The following NCAPH2 variants were observed in gnomAD, a reference collection of about 807,000 sequenced individuals.
NCAPH2 encodes the protein non-SMC condensin II complex subunit H2.
A neutral mutation model predicts 88.6 loss-of-function variants in NCAPH2; 56 were observed. That is an observed-to-expected ratio of 0.63 (90% confidence interval 0.51 to 0.79). NCAPH2 has a LOEUF of 0.79. Ranked by LOEUF, NCAPH2 falls within the 30% of genes least tolerant of loss-of-function variation. The pLI, the probability that NCAPH2 is intolerant of heterozygous loss-of-function variation, is 0.00. For missense variants in NCAPH2, 794 were observed against 792.0 expected (o/e 1.00, Z -0.03); for synonymous variants, 378 against 313.6 (o/e 1.21, Z -2.17).
intron 14 of NCAPH2, 26 bp downstream of exon 14, chr22:50,522,277 T>C (rs758132214): frequency 1.2e-6 from 2 of 1,611,524 alleles, no homozygotes; most frequent in South Asian, 1.1e-5. Flanking sequence ...TCAGCTGTGA[T>C]CTAGGACCCC....
At chr22:50,516,737 A>G (rs2068935392) in intron 2 of NCAPH2, among the ~76,000 whole-genome samples, 189 bp downstream of exon 2, 1 of 152,194 alleles carries the variant, frequency 6.6e-6, no homozygotes, top group Admixed American at 6.5e-5. Flanking sequence ...ACAGCCAGGC[A>G]GGGAGGGTCT....
At chr22:50,520,903 G>A in intron 9 of NCAPH2, 62 bp from the exon 10 acceptor site, 1 of 1,536,188 alleles carries the variant, frequency 6.5e-7, no homozygotes, top group Non-Finnish European at 8.8e-7. Context: ...GGAGTTCCTG[G>A]GGTACCCAGA....
intron 8 of NCAPH2, 108 bp from the exon 9 acceptor site, chr22:50,519,082 C>G (rs1405347263): frequency 3.5e-6 from 4 of 1,129,634 alleles, no homozygotes; most frequent in South Asian, 1.6e-5. Context: ...GCCAAATCCT[C>G]TGGGCTCCGT....
intron 9 of NCAPH2, among the ~76,000 whole-genome samples, chr22:50,520,252 T>C (rs569853026): frequency 6.6e-6 from 1 of 151,904 alleles, no homozygotes; most frequent in East Asian, 2.0e-4. Context: ...TTTTATCTTA[T>C]TTTATTTATT....
chr22:50,518,407 C>G (rs118022654), intron 7 of NCAPH2, 129 bp downstream of exon 7: 45,775 of 1,362,244 alleles, frequency 0.034, 891 homozygotes, highest in South Asian at 0.041. Flanking sequence ...CTGCTCTAGT[C>G]TAGACAGGTT....
chr22:50,516,230 A>G (rs1603440913), intron 1 of NCAPH2, among the ~76,000 whole-genome samples: 2 of 152,056 alleles, frequency 1.3e-5, no homozygotes, highest in East Asian at 3.9e-4. Context: ...GGGGCCTTCC[A>G]CTTCCAAAAC....
Position 50,508,303 on chromosome 22 carries a change from C to A in NCAPH2, c.-35C>A. The A allele has an allele frequency of 6.9e-7, 1 of 1,444,262 alleles. No individual in the cohort carries two copies. Among genetic ancestry groups the A allele is most frequent in the Non-Finnish European group, 9.2e-7 (1 of 1,092,302 alleles). 89.5% of individuals were successfully genotyped at this position (1,444,262 alleles called of 1,614,324 possible). A position where few individuals can be genotyped will look rare whatever the true frequency, so the allele number is the denominator to read the frequency against. On this transcript the variant is annotated 5_prime_UTR_variant, in exon 1 of 20. Transcript: ENST00000420993. ...GACGCCGTACCCCTCGGAAGGCAGC[C>A]CTGCGGTCCCTTTGCCGCCCGTTCC...
At chr22:50,513,466 C>G (rs1420103510) in intron 1 of NCAPH2, among the ~76,000 whole-genome samples, 2 of 151,786 alleles carry the variant, frequency 1.3e-5, no homozygotes, top group Non-Finnish European at 2.9e-5. Context: ...CGCCTGTGAT[C>G]CCAGCACTTA....
rs140524 is a variant in NCAPH2 at position 50,522,253 on chromosome 22, C to T, written c.1233+2C>T. On this transcript the variant is annotated splice_donor_variant, in intron 14 of 19. Transcript: ENST00000420993. LOFTEE classifies it low-confidence loss of function (GC_TO_GT_DONOR). ...CTCCGGAAGCTGCAGAGGAGGGAGG[C>T]AAGTCCCAGCTGGTCAGCTGTGATC... The T allele has an allele frequency of 0.18, 287,037 of 1,613,124 alleles. 26,841 individuals are homozygous for T. The highest frequency in any genetic ancestry group is 0.24 in the East Asian group (10,904 of 44,864).
In NCAPH2 at chr22:50,508,411, A is replaced by G; in HGVS notation, c.74A>G (p.Asp25Gly). Residue 25 changes from aspartate to glycine, a missense_variant, in exon 1 of 20, where the codon GAC becomes GGC. By Grantham distance (94) the Asp-to-Gly change is moderately conservative. This residue lies in a region of NCAPH2 where 59 missense variants were observed against 95.7 expected (regional missense o/e 0.62). Coordinates refer to ENST00000420993, the MANE Select transcript of NCAPH2 (RefSeq NM_152299.4). ...IRDLTKNWEVDVAAQLGEYLE... is the reference protein window; with the variant it reads ...IRDLTKNWEVGVAAQLGEYLE... ...GACCTCACCAAGAACTGGGAGGTGG[A>G]CGTGGCGGCCCAGCTGGGCGAGTAT... is the stretch of plus-strand genomic sequence containing the variant. The G allele has an allele frequency of 6.9e-7, 1 of 1,455,606 alleles. No individual in the cohort carries two copies. Among genetic ancestry groups the G allele is most frequent in the Non-Finnish European group, 9.1e-7 (1 of 1,103,066 alleles). The allele number at this position is 1,455,606 out of a possible 1,614,324, so 90.2% of individuals were successfully genotyped here. A position where few individuals can be genotyped will look rare whatever the true frequency, so the allele number is the denominator to read the frequency against.
rs199689462 is a variant in NCAPH2 at position 50,517,597 on chromosome 22, C to G, written c.287C>G (p.Ser96Trp). 1 of 1,614,110 alleles carries G rather than the reference C, an allele frequency of 6.2e-7. No individual in the cohort carries two copies. The highest frequency in any genetic ancestry group is 1.1e-5 in the South Asian group (1 of 91,090). Reference sequence around the variant, plus strand: ...CTCAGGCGGGCCAAGCAGCTCTCTTCGGTGCAGGAGGACAGGGCCAATGGG... The same window carrying G: ...CTCAGGCGGGCCAAGCAGCTCTCTTGGGTGCAGGAGGACAGGGCCAATGGG... ...SGKRRAKQLS[S>W]VQEDRANGVA... Residue 96 changes from serine (S) to tryptophan (W), a missense_variant, in exon 4 of 20, where the codon TCG becomes TGG. By Grantham distance (177) the Ser-to-Trp change is radical. Transcript: ENST00000420993.
chr22:50,521,602 C>T lies in NCAPH2; in HGVS notation c.993C>T (p.Phe331=). The change falls in exon 11 of 20, where the codon TTC becomes TTT. Residue 331 remains phenylalanine (F), a synonymous_variant. Transcript: ENST00000420993. ...DPFDSLESKP[F]KKGRPYSVPP... is the part of the protein sequence containing the mutation. ...TTGACTCCTTGGAGTCTAAGCCCTTCAAGAAAGGTAATTGGGTGGAAGGTA... is the reference window on the plus strand; with the variant it reads ...TTGACTCCTTGGAGTCTAAGCCCTTTAAGAAAGGTAATTGGGTGGAAGGTA... 1.9e-6 allele frequency: 3 copies of T among 1,613,698 alleles called. No homozygotes were observed. Among genetic ancestry groups the T allele is most frequent in the African/African-American group, 1.3e-5 (1 of 75,040 alleles).
At chr22:50,511,285 CTTTTTTTTT>C (rs910583115) in intron 1 of NCAPH2, among the ~76,000 whole-genome samples, 2 of 109,668 alleles carry the variant, frequency 1.8e-5, no homozygotes, top group African/African-American at 1.0e-4. Flanking sequence ...GCCTCAGCCT[CTTTTTTTTT>C]TTTTTTTTTT....
Position 50,524,367 on chromosome 22 carries a change from A to T in NCAPH2, c.*992A>T. On this transcript the variant is annotated 3_prime_UTR_variant, in exon 20 of 20. Coordinates refer to ENST00000420993, the MANE Select transcript of NCAPH2 (RefSeq NM_152299.4). ...CAGGGAGGACCCGAGGCTTGAGCTG[A>T]GAGAGCCTGTGCCAAGCTGTGGGGC... 3 of 1,602,498 alleles carry T rather than the reference A, an allele frequency of 1.9e-6. No homozygotes were observed. Among genetic ancestry groups the T allele is most frequent in the Non-Finnish European group, 2.5e-6 (3 of 1,179,810 alleles).
At position 50,524,310 on chromosome 22, in the gene NCAPH2, C is replaced by T. The variant is rs1249176482; in HGVS notation, c.*935C>T. The T allele has an allele frequency of 6.9e-6, 11 of 1,602,266 alleles. No homozygotes were observed. Among genetic ancestry groups the T allele is most frequent in the Admixed American group, 3.3e-5 (2 of 59,996 alleles). ...GGCCCTGCCTTGACAAAAGCCAGGA[C>T]CTCAGATGCAGGGCCTGGCCTCCCA... On this transcript the variant is annotated 3_prime_UTR_variant, in exon 20 of 20. Transcript: ENST00000420993.
At chr22:50,515,714 T>C (rs1382575722) in intron 1 of NCAPH2, 1 of 1,277,492 alleles carries the variant, frequency 7.8e-7, no homozygotes, top group East Asian at 5.6e-5. Flanking sequence ...TTTTTTTTTT[T>C]TAAAGTGTCA....
intron 1 of NCAPH2, among the ~76,000 whole-genome samples, chr22:50,508,739 G>T (rs537216165): frequency 2.0e-5 from 3 of 152,266 alleles, no homozygotes; most frequent in Non-Finnish European, 4.4e-5. Context: ...GAATAGACTA[G>T]AAAGCATTAT....
intron 1 of NCAPH2, among the ~76,000 whole-genome samples, chr22:50,510,299 C>T (rs897018001): frequency 6.6e-6 from 1 of 152,218 alleles, no homozygotes; most frequent in Non-Finnish European, 1.5e-5. Context: ...GAGGATCTTA[C>T]TGTGTTGCCC....
At position 50,524,026 on chromosome 22, in the gene NCAPH2, C is replaced by A. The variant is rs1364707310; in HGVS notation, c.*651C>A. On this transcript the variant is annotated 3_prime_UTR_variant, in exon 20 of 20. Coordinates refer to ENST00000420993, the MANE Select transcript of NCAPH2 (RefSeq NM_152299.4). ...GCAGATGTCAGGGCAGTGAGTGAAG[C>A]CAAAGTACATCAGCACCCACTGGCC... The A allele has an allele frequency of 6.2e-7, 1 of 1,613,570 alleles. No individual in the cohort carries two copies. Among genetic ancestry groups the A allele is most frequent in the East Asian group, 2.2e-5 (1 of 44,886 alleles).
Sources: gnomAD v4.1 joint callset for allele counts (sites outside exome capture counted in the v4.1 genomes callset) on GRCh38, gnomAD v4.1.1 for gene constraint, gnomAD v4.1.1 regional missense constraint, MANE v1.5 for transcripts, NCBI Gene and HGNC (gene_info 2026-07-23, HGNC 2026-07-21) for gene names.